The following ITGA9 variants were observed in gnomAD, a reference collection of about 807,000 sequenced individuals.
The protein encoded by ITGA9 is integrin subunit alpha 9.
ITGA9 carries 56 observed loss-of-function variants against 127.8 expected under a neutral mutation model. The ratio of observed to expected loss-of-function variants is 0.44; its 90% CI spans 0.35 to 0.55. The LOEUF is 0.55. ITGA9 is among the 20% of genes least tolerant of loss of function. The pLI, the probability that ITGA9 is intolerant of heterozygous loss-of-function variation, is 0.00. For synonymous variants in ITGA9, 508 were observed against 514.5 expected (o/e 0.99, Z 0.17); for missense variants, 1,196 against 1,347.1 (o/e 0.89, Z 1.76).
rs1321259511 is a variant in ITGA9, at chr3:37,526,029, T to G, written c.1331T>G (p.Val444Gly). 1 of 1,614,032 alleles carries G rather than the reference T, an allele frequency of 6.2e-7. No homozygotes were observed. The highest frequency in any genetic ancestry group is 8.5e-7 in the Non-Finnish European group (1 of 1,179,954). Residue 444 changes from valine to glycine, a missense_variant, in exon 13 of 28, where the codon GTC (valine) becomes GGC (glycine). By Grantham distance (109) the Val-to-Gly change is moderately radical (BLOSUM62 -3). Coordinates refer to ENST00000264741, the MANE Select transcript of ITGA9 (RefSeq NM_002207.3). ...IDMDGNGYPD[V>G]TVGAFMSDSV... ...GCTGTAAACTTCTCATTTTCAGATG[T>G]CACTGTTGGAGCCTTCATGTCCGAC...
intron 15 of ITGA9, among the ~76,000 whole-genome samples, chr3:37,603,751 A>G (rs1699943214): frequency 6.6e-6 from 1 of 152,218 alleles, no homozygotes; most frequent in Admixed American, 6.5e-5. Context: ...CTCCTTTCAC[A>G]TATCTCTTCC....
intron 17 of ITGA9, among the ~76,000 whole-genome samples, chr3:37,663,402 A>T (rs1700556301): frequency 6.6e-6 from 1 of 152,222 alleles, no homozygotes. Flanking sequence ...ACACAGCAGG[A>T]TATCTGTAAA....
At chr3:37,714,506 G>A (rs1453594262) in intron 18 of ITGA9, among the ~76,000 whole-genome samples, 1 of 152,174 alleles carries the variant, frequency 6.6e-6, no homozygotes, top group African/African-American at 2.4e-5. Context: ...GGCTCTCAGA[G>A]TCCATGGGCT....
chr3:37,606,557 C>A (rs1222603760), intron 15 of ITGA9, among the ~76,000 whole-genome samples: 1 of 152,200 alleles, frequency 6.6e-6, no homozygotes, highest in Non-Finnish European at 1.5e-5. Context: ...GATCCATGAG[C>A]TCACAGACTC....
rs573978480 is a variant in ITGA9 at position 37,726,471 on chromosome 3, G to A, written c.2068-6241G>A. The stretch of plus-strand genomic sequence containing the variant: ...CGTGGTCAAGTAAGGCCAGAGTCTA[G>A]ACTGACATCAAATGCTTGTATGATT... On this transcript the variant is annotated intron_variant, in intron 18 of 27. Coordinates refer to ENST00000264741, the MANE Select transcript of ITGA9 (RefSeq NM_002207.3). Among the ~76,000 whole-genome samples, 34 of 152,338 alleles carry A rather than the reference G, an allele frequency of 2.2e-4. No homozygotes were observed. In the South Asian group the frequency reaches 7.1e-3, roughly 32 times the overall value.
At chr3:37,490,805 A>C (rs1352560625) in intron 4 of ITGA9, among the ~76,000 whole-genome samples, 5 of 152,112 alleles carry the variant, frequency 3.3e-5, no homozygotes, top group African/African-American at 2.4e-5. Context: ...CCATTTTTAG[A>C]ATGGAGGAGC....
intron 15 of ITGA9, among the ~76,000 whole-genome samples, chr3:37,556,587 G>A (rs780429468): frequency 1.3e-5 from 2 of 152,210 alleles, no homozygotes; most frequent in Non-Finnish European, 2.9e-5. Flanking sequence ...TGCACACGAA[G>A]AACCTGGGAC....
At chr3:37,754,703 A>G (rs1325652780) in intron 23 of ITGA9, among the ~76,000 whole-genome samples, 1 of 152,234 alleles carries the variant, frequency 6.6e-6, no homozygotes, top group Non-Finnish European at 1.5e-5. Flanking sequence ...CATGAATACC[A>G]ACATCTGTTA....
At chr3:37,721,114 CTTTTTTTTTTTT>C (rs35254377) in intron 18 of ITGA9, among the ~76,000 whole-genome samples, 2 of 93,256 alleles carry the variant, frequency 2.1e-5, no homozygotes, top group South Asian at 7.6e-4. Context: ...CTTTTCTTGC[CTTTTTTTTTTTT>C]TTTTTTTTTT....
chr3:37,517,178 A>G (rs747521275), intron 9 of ITGA9, among the ~76,000 whole-genome samples: 1 of 152,242 alleles, frequency 6.6e-6, no homozygotes, highest in Non-Finnish European at 1.5e-5. Context: ...TGGAGAGCAC[A>G]TGGGGGAAAG....
chr3:37,638,790 TA>T (rs2125640083), intron 16 of ITGA9, among the ~76,000 whole-genome samples: 1 of 152,272 alleles, frequency 6.6e-6, no homozygotes, highest in African/African-American at 2.4e-5. Flanking sequence ...ATGGCCTAAT[TA>T]AAGTGGAATC....
chr3:37,703,766 A>G (rs1700973479), intron 18 of ITGA9, among the ~76,000 whole-genome samples: 1 of 152,238 alleles, frequency 6.6e-6, no homozygotes, highest in Non-Finnish European at 1.5e-5. Context: ...TTTATGTGCC[A>G]GAGGCTGCTC....
chr3:37,641,106 C>T lies in ITGA9; in HGVS notation c.1839+11770C>T, dbSNP rs577302564. Among the ~76,000 whole-genome samples the T allele has an allele frequency of 1.9e-3, 292 of 152,230 alleles. 3 individuals carry two copies. The highest frequency in any genetic ancestry group is 6.8e-3 in the African/African-American group (283 of 41,534). ...TGGGCTCCCCGGTGGGACGCAATGG[C>T]ACCATCTTAGGCAGGAGTCCCCAAC... is the stretch of plus-strand genomic sequence containing the variant. On this transcript the variant is annotated intron_variant, in intron 16 of 27. Transcript: ENST00000264741.
chr3:37,780,410 T>G (rs561248974), intron 25 of ITGA9, among the ~76,000 whole-genome samples: 6 of 152,336 alleles, frequency 3.9e-5, no homozygotes, highest in Non-Finnish European at 7.3e-5. Flanking sequence ...GAACATGCAG[T>G]AGTTGACTAC....
chr3:37,740,169 G>A (rs1696416031), intron 20 of ITGA9, among the ~76,000 whole-genome samples: 1 of 152,136 alleles, frequency 6.6e-6, no homozygotes, highest in Non-Finnish European at 1.5e-5. Context: ...AGAGAGGAAG[G>A]CAGTGGGGCA....
At chr3:37,813,443 C>T (rs1042167177) in intron 27 of ITGA9, among the ~76,000 whole-genome samples, 2 of 151,998 alleles carry the variant, frequency 1.3e-5, no homozygotes, top group Admixed American at 1.3e-4. Context: ...ATTATCTTTA[C>T]TTAAGGGGAT....
chr3:37,653,937 A>G, intron 17 of ITGA9, 147 bp downstream of exon 17: 3 of 671,634 alleles, frequency 4.5e-6, no homozygotes, highest in South Asian at 3.3e-5. Flanking sequence ...AAAAAAATGT[A>G]TGTTACAAAA....
At chr3:37,596,528 A>G (rs572439366) in intron 15 of ITGA9, among the ~76,000 whole-genome samples, 2 of 152,230 alleles carry the variant, frequency 1.3e-5, no homozygotes, top group Non-Finnish European at 2.9e-5. Context: ...AGTCTTGGAG[A>G]GCACAAAGAT....
intron 23 of ITGA9, among the ~76,000 whole-genome samples, chr3:37,761,171 T>TTTTTCTCCTCATTAA (rs1575226082): frequency 6.6e-6 from 1 of 152,192 alleles, no homozygotes; most frequent in East Asian, 1.9e-4. Context: ...AAACTTAAAA[T>TTTTTCTCCTCATTAA]GAGGTTTTTC....
Sources: gnomAD v4.1 joint callset for allele counts (sites outside exome capture counted in the v4.1 genomes callset) on GRCh38, gnomAD v4.1.1 for gene constraint, MANE v1.5 for transcripts, NCBI Gene and HGNC (gene_info 2026-07-23, HGNC 2026-07-21) for gene names.